DCC: variants seen among roughly 807,000 people sequenced by gnomAD.
DCC encodes DCC netrin 1 receptor.
DCC carries 58 observed loss-of-function variants against 172.5 expected under a neutral mutation model. That is an observed-to-expected ratio of 0.34 (90% CI 0.27 to 0.42). DCC has a LOEUF of 0.42. Ranked by LOEUF, DCC falls within the 10% of genes least tolerant of loss-of-function variation. The pLI, the probability that DCC is intolerant of heterozygous loss-of-function variation, is 1.00. For synonymous variants in DCC, 709 were observed against 644.5 expected, an observed-to-expected ratio of 1.10 and a Z score of -1.52; for missense variants, 1,740 against 1,791.0, an observed-to-expected ratio of 0.97 and a Z score of 0.51.
intron 8 of DCC, among the ~76,000 whole-genome samples, chr18:53,162,585 A>T (rs2054860357): frequency 6.6e-6 from 1 of 151,960 alleles, no homozygotes; most frequent in South Asian, 2.1e-4. Flanking sequence ...CACTTTCCTT[A>T]TGTTTCCTAA....
chr18:52,825,372 C>T (rs1051716898), intron 2 of DCC, among the ~76,000 whole-genome samples: 2 of 152,112 alleles, frequency 1.3e-5, no homozygotes, highest in Non-Finnish European at 2.9e-5. Context: ...TGCTGTATTA[C>T]TCTTATTAAA....
intron 25 of DCC, among the ~76,000 whole-genome samples, chr18:53,485,930 ATAAAT>A (rs1195116376): frequency 6.6e-6 from 1 of 152,080 alleles, no homozygotes; most frequent in Non-Finnish European, 1.5e-5. Context: ...ATAAATAAAA[ATAAAT>A]TATTAATTTC....
chr18:53,122,189 A>G (rs2043492710), intron 7 of DCC, among the ~76,000 whole-genome samples: 1 of 152,014 alleles, frequency 6.6e-6, no homozygotes, highest in African/African-American at 2.4e-5. Flanking sequence ...TTGCTTGAGA[A>G]ACTGAATGCC....
intron 1 of DCC, among the ~76,000 whole-genome samples, chr18:52,663,103 T>C (rs2035394066): frequency 6.6e-6 from 1 of 152,130 alleles, no homozygotes; most frequent in African/African-American, 2.4e-5. Flanking sequence ...ACAAAGACAG[T>C]TAAAGAATGT....
At chr18:52,752,796 T>A (rs1183224948) in intron 2 of DCC, among the ~76,000 whole-genome samples, 1 of 152,146 alleles carries the variant, frequency 6.6e-6, no homozygotes. Context: ...TGCTCTCTAG[T>A]TCTATGAGTC....
chr18:53,283,994 TATC>T (rs1034324619), intron 12 of DCC, among the ~76,000 whole-genome samples: 5 of 152,248 alleles, frequency 3.3e-5, no homozygotes, highest in East Asian at 1.9e-4. Flanking sequence ...TTCCATGTAT[TATC>T]ATTTTATTTT....
intron 14 of DCC, among the ~76,000 whole-genome samples, chr18:53,335,959 G>C (rs1430521224): frequency 1.3e-5 from 2 of 152,120 alleles, no homozygotes; most frequent in Non-Finnish European, 2.9e-5. Flanking sequence ...GCACAGGAAA[G>C]ACCGCCCCTG....
chr18:52,613,138 AT>A (rs1568255978), intron 1 of DCC, among the ~76,000 whole-genome samples: 1 of 152,138 alleles, frequency 6.6e-6, no homozygotes, highest in African/African-American at 2.4e-5. Flanking sequence ...CATTTGCATG[AT>A]TTTTATTATT....
intron 12 of DCC, among the ~76,000 whole-genome samples, chr18:53,243,001 C>A (rs2056320966): frequency 6.6e-6 from 1 of 151,732 alleles, no homozygotes; most frequent in Admixed American, 6.6e-5. Context: ...TGAGAGGACC[C>A]CAAAGCTATA....
At chr18:53,012,089 TG>T (rs914746507) in intron 5 of DCC, among the ~76,000 whole-genome samples, 19 of 151,978 alleles carry the variant, frequency 1.3e-4, no homozygotes, top group Non-Finnish European at 2.4e-4. Flanking sequence ...CGTATATTAT[TG>T]GTGGAATGTA....
intron 7 of DCC, among the ~76,000 whole-genome samples, chr18:53,144,195 A>T (rs939076353): frequency 2.0e-5 from 3 of 152,050 alleles, no homozygotes; most frequent in Non-Finnish European, 4.4e-5. Context: ...TCATATTTCC[A>T]TCTCCCTATT....
At chr18:52,504,055 C>G (rs575547063) in intron 1 of DCC, among the ~76,000 whole-genome samples, 3 of 152,254 alleles carry the variant, frequency 2.0e-5, no homozygotes, top group African/African-American at 7.2e-5. Context: ...TCCCACCACT[C>G]TTTTCAGTCT....
chr18:52,952,512 T>C (rs1287696105), intron 5 of DCC, among the ~76,000 whole-genome samples: 1 of 152,142 alleles, frequency 6.6e-6, no homozygotes, highest in Non-Finnish European at 1.5e-5. Flanking sequence ...TATATAAAAG[T>C]GATGAGGAAG....
At chr18:52,416,755 G>T (rs372460811) in intron 1 of DCC, among the ~76,000 whole-genome samples, 314 of 151,900 alleles carry the variant, frequency 2.1e-3, no homozygotes, top group Non-Finnish European at 3.4e-3. Flanking sequence ...TTTATTTTGA[G>T]CCTATGTGTG....
At chr18:52,984,552 G>C (rs1176541899) in intron 5 of DCC, among the ~76,000 whole-genome samples, 2 of 152,018 alleles carry the variant, frequency 1.3e-5, no homozygotes, top group East Asian at 3.9e-4. Flanking sequence ...ATGTTTTGTA[G>C]AAATCCACTG....
At chr18:52,680,534 A>G (rs1178419013) in intron 1 of DCC, among the ~76,000 whole-genome samples, 1 of 152,114 alleles carries the variant, frequency 6.6e-6, no homozygotes, top group Non-Finnish European at 1.5e-5. Context: ...TATATATTAA[A>G]CAGTGTTATT....
chr18:53,298,372 C>T (rs974859497), intron 12 of DCC, among the ~76,000 whole-genome samples: 9 of 151,406 alleles, frequency 5.9e-5, no homozygotes, highest in African/African-American at 2.2e-4. Flanking sequence ...CCTGTCTCTA[C>T]AAAAAATACA....
intron 12 of DCC, among the ~76,000 whole-genome samples, chr18:53,232,644 G>A (rs1017309731): frequency 1.3e-5 from 2 of 152,096 alleles, no homozygotes; most frequent in African/African-American, 4.8e-5. Context: ...AATAAATGAA[G>A]GTTAGTTGTA....
At chr18:52,347,423 A>AT (rs1983926763) in intron 1 of DCC, among the ~76,000 whole-genome samples, 2 of 152,126 alleles carry the variant, frequency 1.3e-5, no homozygotes, top group South Asian at 4.1e-4. Context: ...GTATTATGTG[A>AT]TTTTATAGGG....
Sources: gnomAD v4.1 joint callset for allele counts (sites outside exome capture counted in the v4.1 genomes callset) on GRCh38, gnomAD v4.1.1 for gene constraint, MANE v1.5 for transcripts, NCBI Gene and HGNC (gene_info 2026-07-23, HGNC 2026-07-21) for gene names.